Variants in TDRKH observed in about 807,000 individuals in gnomAD.
TDRKH encodes the protein tudor and KH domain containing, also known as tudor and KH domain-containing protein.
In TDRKH, 28 loss-of-function variants were observed where a neutral mutation model predicts 61.3. The observed-to-expected ratio is 0.46, with a 90% CI of 0.34 to 0.63. The LOEUF (loss-of-function observed/expected upper bound fraction) is 0.63, where lower values mean the gene tolerates loss of function less well. Among genes scored for constraint, TDRKH ranks in the 20% least tolerant of loss-of-function variants. The pLI is 0.01. For synonymous variants in TDRKH, 219 were observed against 244.4 expected, an observed-to-expected ratio of 0.90 and a Z score of 0.97; for missense variants, 540 against 683.4, an observed-to-expected ratio of 0.79 and a Z score of 2.34.
chr1:151,790,170 G>C (rs1398030182), intron 1 of TDRKH, among the ~76,000 whole-genome samples: 1 of 152,178 alleles, frequency 6.6e-6, no homozygotes, highest in South Asian at 2.1e-4. Context: ...CGGGTGACTG[G>C]AGCATCTTCC....
At chr1:151,779,376 G>T (rs937512130) in intron 4 of TDRKH, 134 bp from the exon 5 acceptor site, 4 of 1,213,938 alleles carry the variant, frequency 3.3e-6, no homozygotes, top group Non-Finnish European at 4.4e-6. Flanking sequence ...ACAAGATGTT[G>T]AATGGAAATC....
intron 1 of TDRKH, among the ~76,000 whole-genome samples, chr1:151,784,992 C>T (rs993617347): frequency 2.7e-5 from 4 of 148,004 alleles, no homozygotes; most frequent in African/African-American, 5.0e-5. Context: ...AGTGCAGTGG[C>T]GCAACCATGG....
At chr1:151,783,187 AATTT>A in intron 1 of TDRKH, 138 bp from the exon 2 acceptor site, 1 of 652,388 alleles carries the variant, frequency 1.5e-6, no homozygotes, top group East Asian at 3.7e-5. Flanking sequence ...GCAATTTCAA[AATTT>A]ATTTCATATA....
downstream of TDRKH, chr1:151,770,244 T>G: frequency 1.2e-6 from 2 of 1,613,738 alleles, no homozygotes; most frequent in African/African-American, 2.7e-5. Context: ...TCCAGAATGA[T>G]CGGAACGACA....
At chr1:151,767,998 AC>A (rs1648425435), downstream of TDRKH, 1 of 1,597,444 alleles carries the variant, frequency 6.3e-7, no homozygotes, top group African/African-American at 1.3e-5. Context: ...CAACGGACAC[AC>A]CCCCATCTGC....
downstream of TDRKH, chr1:151,770,322 T>G: frequency 5.8e-6 from 9 of 1,555,228 alleles, no homozygotes; most frequent in South Asian, 1.1e-4. Flanking sequence ...TTTTCCTTTA[T>G]AGGAGACCCT....
At chr1:151,775,019 C>A in intron 11 of TDRKH, 46 bp downstream of exon 11, 2 of 1,587,092 alleles carry the variant, frequency 1.3e-6, no homozygotes. Flanking sequence ...TGTCTATGTG[C>A]TAGATTTGCC....
chr1:151,768,491 G>A (rs887500594), downstream of TDRKH, among the ~76,000 whole-genome samples: 1 of 152,202 alleles, frequency 6.6e-6, no homozygotes, highest in African/African-American at 2.4e-5. Flanking sequence ...TTTCTCCCCA[G>A]ACCCCTTCTG....
At chr1:151,766,691 C>G (rs759974702), downstream of TDRKH, 2 of 1,551,192 alleles carry the variant, frequency 1.3e-6, no homozygotes, top group African/African-American at 1.4e-5. Context: ...GTGAACTTCA[C>G]TTTGCCACAG....
chr1:151,778,948 G>T lies in TDRKH; in HGVS notation c.620C>A (p.Ser207Tyr), dbSNP rs768170328. ...DEELRKRIAH[S>Y]AETRVPRKQP... ...TTTGCGTGGGACCCTGGTTTCTGCA[G>T]AATGAGCAATTCTCTTCCGAAGTTC... Residue 207 changes from serine (S) to tyrosine (Y), a missense_variant, in exon 6 of 13, where the codon TCT becomes TAT. Ser to Tyr is a moderately radical substitution (Grantham distance 144). Around this residue, in one of 3 missense-constraint regions of TDRKH, gnomAD observed 379 missense variants for 443.8 expected, o/e 0.85. Transcript: ENST00000368824. 1.9e-6 allele frequency: 3 copies of T among 1,614,100 alleles called. No individual in the cohort carries two copies. Among genetic ancestry groups the T allele is most frequent in the Non-Finnish European group, 2.5e-6 (3 of 1,180,048 alleles).
rs568048615 is a variant in TDRKH, at chr1:151,788,442, G to A, written c.-28+1938C>T. On this transcript the variant is annotated intron_variant, in intron 1 of 12. Coordinates refer to ENST00000368824, the MANE Select transcript of TDRKH (RefSeq NM_001083965.2). Reference sequence around the variant, plus strand: ...GAGTCTTTAGGTCTTAAGGGCTTTGGGAAACTGAAATCTAGCCCTGTGAAC... The same window carrying A: ...GAGTCTTTAGGTCTTAAGGGCTTTGAGAAACTGAAATCTAGCCCTGTGAAC... 2.0e-5 allele frequency among the ~76,000 whole-genome samples: 3 copies of A among 152,216 alleles called. No homozygotes were observed. The South Asian group carries it at 6.2e-4, about 32-fold the overall frequency.
downstream of TDRKH, chr1:151,767,489 G>A (rs1316711548): frequency 2.5e-6 from 3 of 1,220,554 alleles, no homozygotes; most frequent in African/African-American, 3.1e-5. Context: ...TCATACAGAT[G>A]GTAGTGAAAA....
rs1648902705 is a variant in TDRKH, at chr1:151,773,912, G to A, written c.*540C>T. 1 of 152,324 alleles carries A rather than the reference G, an allele frequency of 6.6e-6. No individual in the cohort carries two copies. The highest frequency in any genetic ancestry group is 2.1e-4 in the South Asian group (1 of 4,838). 9.4% of individuals were successfully genotyped at this position (152,324 alleles called of 1,614,324 possible). A position where few individuals can be genotyped will look rare whatever the true frequency, so the allele number is the denominator to read the frequency against. ...GAATCACTTCCAATGACGAAAGCCT[G>A]ACTGTTTCCCAGCCTCAAAAAGGAT... On this transcript the variant is annotated 3_prime_UTR_variant, in exon 13 of 13. Coordinates refer to ENST00000368824, the MANE Select transcript of TDRKH (RefSeq NM_001083965.2).
intron 1 of TDRKH, among the ~76,000 whole-genome samples, chr1:151,784,638 T>C (rs1282828227): frequency 1.3e-5 from 2 of 152,202 alleles, no homozygotes; most frequent in East Asian, 1.9e-4. Flanking sequence ...AGTCTCCCAG[T>C]TGCTGGTTTC....
chr1:151,776,550 G>A lies in TDRKH; in HGVS notation c.933C>T (p.Tyr311=), dbSNP rs771031491. The part of the protein sequence containing the change: ...SFHADEYLEV[Y]VSASEHPNHF... ...GGTTAGGGTGCTCAGAAGCAGAAAC[G>A]TAGACTTCTAGGTACTCATCAGCAT... Residue 311 remains tyrosine (Y), a synonymous_variant, in exon 7 of 13, where the codon TAC becomes TAT. Transcript: ENST00000368824. 18 of 1,614,026 alleles carry A rather than the reference G, an allele frequency of 1.1e-5. No individual in the cohort carries two copies. The African/African-American group carries it at 2.0e-4, about 18-fold the overall frequency.
intron 1 of TDRKH, among the ~76,000 whole-genome samples, chr1:151,789,378 A>C (rs151273522): frequency 1.7e-4 from 26 of 152,320 alleles, no homozygotes; most frequent in African/African-American, 6.0e-4. Flanking sequence ...AAATAATATA[A>C]TGTAAACGGG....
Position 151,780,053 on chromosome 1 carries a change from G to C in TDRKH, c.319C>G (p.Gln107Glu). The C allele has an allele frequency of 1.2e-6, 2 of 1,614,184 alleles. No individual in the cohort carries two copies. Among genetic ancestry groups the C allele is most frequent in the Non-Finnish European group, 1.7e-6 (2 of 1,180,026 alleles). The change falls in exon 4 of 13, where the codon CAG (glutamine) becomes GAG (glutamate). Residue 107 changes from glutamine to glutamate, a missense_variant. Gln to Glu is a conservative substitution (Grantham distance 29, BLOSUM62 2). Around this residue, in one of 3 missense-constraint regions of TDRKH, gnomAD observed 156 missense variants for 218.0 expected, o/e 0.72. Transcript: ENST00000368824. Reference protein sequence around the residue: ...RVLLISGFPVQVCKAKAAIHQ... With the variant: ...RVLLISGFPVEVCKAKAAIHQ... ...ATTGCTGCTTTGGCCTTGCACACCTGAACAGGAAAACCACTGATAAGCAGC... is the reference window on the plus strand; with the variant it reads ...ATTGCTGCTTTGGCCTTGCACACCTCAACAGGAAAACCACTGATAAGCAGC...
intron 1 of TDRKH, among the ~76,000 whole-genome samples, chr1:151,788,685 C>G (rs563543286): frequency 2.8e-4 from 42 of 152,312 alleles, no homozygotes; most frequent in African/African-American, 8.9e-4. Context: ...CTACACAATA[C>G]AGTGTGCAAT....
chr1:151,788,172 T>A (rs1281439751), intron 1 of TDRKH, among the ~76,000 whole-genome samples: 1 of 152,198 alleles, frequency 6.6e-6, no homozygotes, highest in Admixed American at 6.5e-5. Context: ...CAGTTGAAAG[T>A]AGCTAGAACC....
Sources: gnomAD v4.1 joint callset for allele counts (sites outside exome capture counted in the v4.1 genomes callset) on GRCh38, gnomAD v4.1.1 for gene constraint, gnomAD v4.1.1 regional missense constraint, MANE v1.5 for transcripts, NCBI Gene and HGNC (gene_info 2026-07-23, HGNC 2026-07-21) for gene names.